The following NKAPL variants were observed in gnomAD, a reference collection of about 807,000 sequenced individuals.
The protein encoded by NKAPL is NFKB activating protein like, also known as NKAP-like protein.
Under a neutral mutation model 14.7 loss-of-function variants are expected in NKAPL, and 7 were observed. The observed-to-expected ratio is 0.48, with a 90% CI of 0.27 to 0.89. The LOEUF (loss-of-function observed/expected upper bound fraction) is 0.89. NKAPL is among the 40% of genes least tolerant of loss of function. The probability of loss-of-function intolerance (pLI) is 0.12; values close to 1 mark genes in which losing one functional copy is unlikely to be tolerated. For missense variants in NKAPL, 466 were observed against 494.1 expected (o/e 0.94, Z 0.54); for synonymous variants, 192 against 179.9 (o/e 1.07, Z -0.54).
Position 28,259,610 on chromosome 6 carries a change from A to T in NKAPL, c.239A>T (p.Asn80Ile), listed in dbSNP as rs139633391. The T allele has an allele frequency of 3.4e-4, 548 of 1,614,234 alleles. 4 individuals carry two copies. In the African/African-American group the frequency reaches 6.3e-3, roughly 19 times the overall value. Reference sequence around the variant, plus strand: ...CGAGGGCGGCTCCCAAGATTCCGCAACTACGCCTTCGCGTCCTCCTGGTCG... The same window carrying T: ...CGAGGGCGGCTCCCAAGATTCCGCATCTACGCCTTCGCGTCCTCCTGGTCG... ...GSRGRLPRFR[N>I]YAFASSWSTS... is the part of the protein sequence containing the mutation. The change falls in exon 1 of 1, where the codon AAC (asparagine) becomes ATC (isoleucine). Residue 80 changes from asparagine to isoleucine, a missense_variant. Transcript: ENST00000343684.
chr6:28,259,704 C>A lies in NKAPL; in HGVS notation c.333C>A (p.Tyr111Ter), dbSNP rs1183424759. ...YAEERQSAED[Y>*]EKEESHRQRR... ...AAGAACGGCAGTCAGCGGAAGACTA[C>A]GAGAAGGAAGAGAGCCATCGGCAGA... Residue 111 changes from tyrosine (Y) to a stop codon, truncating the protein, a stop_gained, in exon 1 of 1, where the codon TAC becomes TAA. Coordinates refer to ENST00000343684, the MANE Select transcript of NKAPL (RefSeq NM_001007531.3). LOFTEE classifies it low-confidence loss of function (END_TRUNC). 1.2e-6 allele frequency: 2 copies of A among 1,614,148 alleles called. No homozygotes were observed. Among genetic ancestry groups the A allele is most frequent in the East Asian group, 2.2e-5 (1 of 44,870 alleles).
At position 28,260,373 on chromosome 6, in the gene NKAPL, T is replaced by A; in HGVS notation, c.1002T>A (p.Phe334Leu). 1 of 1,614,148 alleles carries A rather than the reference T, an allele frequency of 6.2e-7. No homozygotes were observed. The highest frequency in any genetic ancestry group is 1.1e-5 in the South Asian group (1 of 91,078). ...TGACAAGTGAAGAGATCGGTTCTTTTGAATGCTCAGGTTATGTCATGAGTG... is the reference window on the plus strand; with the variant it reads ...TGACAAGTGAAGAGATCGGTTCTTTAGAATGCTCAGGTTATGTCATGAGTG... ...IGLTSEEIGS[F>L]ECSGYVMSGS... The change falls in exon 1 of 1, where the codon TTT becomes TTA. Residue 334 changes from phenylalanine (F) to leucine (L), a missense_variant. Transcript: ENST00000343684.
chr6:28,260,474 C>A lies in NKAPL; in HGVS notation c.1103C>A (p.Ala368Asp). Residue 368 changes from alanine to aspartate, a missense_variant, in exon 1 of 1, where the codon GCT becomes GAT. By Grantham distance (126) the Ala-to-Asp change is moderately radical. Coordinates refer to ENST00000343684, the MANE Select transcript of NKAPL (RefSeq NM_001007531.3). ...NQIYSADEKR[A>D]LASFNQEERR... ...ATCTACAGTGCTGATGAGAAGAGAG[C>A]TCTTGCATCCTTTAACCAAGAAGAG... 1 of 1,614,098 alleles carries A rather than the reference C, an allele frequency of 6.2e-7. No homozygotes were observed. Among genetic ancestry groups the A allele is most frequent in the Non-Finnish European group, 8.5e-7 (1 of 1,180,010 alleles).
In NKAPL at chr6:28,260,711, A is replaced by G; in HGVS notation, c.*131A>G. 6.4e-6 allele frequency: 7 copies of G among 1,100,550 alleles called. No homozygotes were observed. The highest frequency in any genetic ancestry group is 8.8e-6 in the Non-Finnish European group (7 of 791,116). The allele number at this position is 1,100,550 out of a possible 1,614,324, so 68.2% of individuals were successfully genotyped here. A position where few individuals can be genotyped will look rare whatever the true frequency, so the allele number is the denominator to read the frequency against. ...CTCAGGAAAAAGCTTCTTTTGAGAT[A>G]TCTTTAGCAGCTTATTTTTTGTTAT... On this transcript the variant is annotated 3_prime_UTR_variant, in exon 1 of 1. Transcript: ENST00000343684.
In NKAPL at chr6:28,260,866, G is replaced by A. The variant is rs1259941871; in HGVS notation, c.*286G>A. 1 of 327,314 alleles carries A rather than the reference G, an allele frequency of 3.1e-6. No individual in the cohort carries two copies. The highest frequency in any genetic ancestry group is 5.9e-6 in the Non-Finnish European group (1 of 168,670). The allele number at this position is 327,314 out of a possible 1,614,324, so 20.3% of individuals were successfully genotyped here. On this transcript the variant is annotated 3_prime_UTR_variant, in exon 1 of 1. Coordinates refer to ENST00000343684, the MANE Select transcript of NKAPL (RefSeq NM_001007531.3). ...TTCCCCCAAAAATATATATTTTGGT[G>A]TCTTATATACAGAATATACATTCTG...
In NKAPL at chr6:28,260,682, G is replaced by T; in HGVS notation, c.*102G>T. 5 of 1,422,216 alleles carry T rather than the reference G, an allele frequency of 3.5e-6. No individual in the cohort carries two copies. The highest frequency in any genetic ancestry group is 4.7e-6 in the Non-Finnish European group (5 of 1,071,262). The allele number at this position is 1,422,216 out of a possible 1,614,324, so 88.1% of individuals were successfully genotyped here. ...GCTACTGTACTTACCATATTAGTAA[G>T]TCCCTCAGGAAAAAGCTTCTTTTGA... On this transcript the variant is annotated 3_prime_UTR_variant, in exon 1 of 1. Coordinates refer to ENST00000343684, the MANE Select transcript of NKAPL (RefSeq NM_001007531.3).
rs1265193978 is a variant in NKAPL, at chr6:28,260,662, T to C, written c.*82T>C. Reference sequence around the variant, plus strand: ...GTGTTAAAAGGCTTTACAGTGCTACTGTACTTACCATATTAGTAAGTCCCT... The same window carrying C: ...GTGTTAAAAGGCTTTACAGTGCTACCGTACTTACCATATTAGTAAGTCCCT... On this transcript the variant is annotated 3_prime_UTR_variant, in exon 1 of 1. Transcript: ENST00000343684. The C allele has an allele frequency of 6.7e-7, 1 of 1,497,626 alleles. No individual in the cohort carries two copies. The highest frequency in any genetic ancestry group is 8.9e-7 in the Non-Finnish European group (1 of 1,123,056). The allele number at this position is 1,497,626 out of a possible 1,614,324, so 92.8% of individuals were successfully genotyped here. A position where few individuals can be genotyped will look rare whatever the true frequency, so the allele number is the denominator to read the frequency against.
chr6:28,260,309 A>G lies in NKAPL; in HGVS notation c.938A>G (p.Lys313Arg), dbSNP rs756256064. ...GGTGCAGCTATGGCTGAGTATGTAA[A>G]AGCTGGAAAGCGAATCCCACGAAGA... ...GEGAAMAEYV[K>R]AGKRIPRRGE... The change falls in exon 1 of 1, where the codon AAA becomes AGA. Residue 313 changes from lysine (K) to arginine (R), a missense_variant. Transcript: ENST00000343684. 5.0e-6 allele frequency: 8 copies of G among 1,614,194 alleles called. No individual in the cohort carries two copies. The highest frequency in any genetic ancestry group is 3.3e-5 in the South Asian group (3 of 91,088).
chr6:28,259,747 G>A lies in NKAPL; in HGVS notation c.376G>A (p.Glu126Lys). The A allele has an allele frequency of 6.2e-7, 1 of 1,614,236 alleles. No individual in the cohort carries two copies. The highest frequency in any genetic ancestry group is 1.1e-5 in the South Asian group (1 of 91,086). ...TCGGCAGAGGAGGCTGAAGGAGAGA[G>A]AGAGGATTGGGGAATTGGGAGCGCC... ...SHRQRRLKER[E>K]RIGELGAPEV... The change falls in exon 1 of 1, where the codon GAG (glutamate) becomes AAG (lysine). Residue 126 changes from glutamate to lysine, a missense_variant. By Grantham distance (56) the Glu-to-Lys change is moderately conservative. Transcript: ENST00000343684.
chr6:28,260,090 A>G lies in NKAPL; in HGVS notation c.719A>G (p.Lys240Arg), dbSNP rs1761310066. Reference protein sequence around the residue: ...KKKKHKTKKKKNKKTKKESSD... With the variant: ...KKKKHKTKKKRNKKTKKESSD... ...AAGAAACACAAAACAAAGAAAAAGAAGAATAAGAAAACCAAAAAAGAATCC... is the reference window on the plus strand; with the variant it reads ...AAGAAACACAAAACAAAGAAAAAGAGGAATAAGAAAACCAAAAAAGAATCC... The change falls in exon 1 of 1, where the codon AAG becomes AGG. Residue 240 changes from lysine to arginine, a missense_variant. Coordinates refer to ENST00000343684, the MANE Select transcript of NKAPL (RefSeq NM_001007531.3). 2 of 1,579,850 alleles carry G rather than the reference A, an allele frequency of 1.3e-6. No homozygotes were observed. Among genetic ancestry groups the G allele is most frequent in the East Asian group, 2.2e-5 (1 of 44,802 alleles).
rs1473256908 is a variant in NKAPL at position 28,259,607 on chromosome 6, G to A, written c.236G>A (p.Arg79His). Residue 79 changes from arginine to histidine, a missense_variant, in exon 1 of 1, where the codon CGC (arginine) becomes CAC (histidine). Transcript: ENST00000343684. ...SGSRGRLPRF[R>H]NYAFASSWST... is the part of the protein sequence containing the mutation. The stretch of plus-strand genomic sequence containing the variant: ...TCGCGAGGGCGGCTCCCAAGATTCC[G>A]CAACTACGCCTTCGCGTCCTCCTGG... The A allele has an allele frequency of 6.2e-7, 1 of 1,614,182 alleles. No individual in the cohort carries two copies. Among genetic ancestry groups the A allele is most frequent in the Non-Finnish European group, 8.5e-7 (1 of 1,179,998 alleles).
In NKAPL at chr6:28,260,384, G is replaced by C. The variant is rs775181617; in HGVS notation, c.1013G>C (p.Gly338Ala). 6.2e-6 allele frequency: 10 copies of C among 1,614,164 alleles called. No individual in the cohort carries two copies. The South Asian group carries it at 8.8e-5, about 14-fold the overall frequency. ...SEEIGSFECS[G>A]YVMSGSRHRR... is the part of the protein sequence containing the mutation. Reference sequence around the variant, plus strand: ...GAGATCGGTTCTTTTGAATGCTCAGGTTATGTCATGAGTGGTAGCAGGCAT... The same window carrying C: ...GAGATCGGTTCTTTTGAATGCTCAGCTTATGTCATGAGTGGTAGCAGGCAT... The change falls in exon 1 of 1, where the codon GGT (glycine) becomes GCT (alanine). Residue 338 changes from glycine to alanine, a missense_variant. Transcript: ENST00000343684.
Position 28,259,322 on chromosome 6 carries a change from C to G in NKAPL, c.-50C>G. On this transcript the variant is annotated 5_prime_UTR_variant, in exon 1 of 1. Transcript: ENST00000343684. ...AGTGCGCCTGCGTGGCCGCGAATCA[C>G]CAGCCAGCCTCTGGGTCTGTAGCAA... The G allele has an allele frequency of 6.8e-7, 1 of 1,468,982 alleles. No individual in the cohort carries two copies. Among genetic ancestry groups the G allele is most frequent in the Non-Finnish European group, 9.1e-7 (1 of 1,098,446 alleles). The allele number at this position is 1,468,982 out of a possible 1,614,324, so 91.0% of individuals were successfully genotyped here.
rs1465993947 is a variant in NKAPL at position 28,259,308 on chromosome 6, G to A, written c.-64G>A. ...GGGAGGCCGATTCTAGTGCGCCTGC[G>A]TGGCCGCGAATCACCAGCCAGCCTC... On this transcript the variant is annotated 5_prime_UTR_variant, in exon 1 of 1. The change creates a new upstream start codon in the 5' untranslated region. Coordinates refer to ENST00000343684, the MANE Select transcript of NKAPL (RefSeq NM_001007531.3). 7.1e-7 allele frequency: 1 copy of A among 1,413,284 alleles called. No individual in the cohort carries two copies. Among genetic ancestry groups the A allele is most frequent in the African/African-American group, 1.4e-5 (1 of 69,568 alleles). 87.5% of individuals were successfully genotyped at this position (1,413,284 alleles called of 1,614,324 possible).
At position 28,259,299 on chromosome 6, in the gene NKAPL, T is replaced by C; in HGVS notation, c.-73T>C. The stretch of plus-strand genomic sequence containing the variant: ...GCCGTGCGTGGGAGGCCGATTCTAG[T>C]GCGCCTGCGTGGCCGCGAATCACCA... On this transcript the variant is annotated 5_prime_UTR_variant, in exon 1 of 1. Coordinates refer to ENST00000343684, the MANE Select transcript of NKAPL (RefSeq NM_001007531.3). 2 of 1,346,332 alleles carry C rather than the reference T, an allele frequency of 1.5e-6. No homozygotes were observed. The highest frequency in any genetic ancestry group is 2.0e-6 in the Non-Finnish European group (2 of 991,156). The allele number at this position is 1,346,332 out of a possible 1,614,324, so 83.4% of individuals were successfully genotyped here.
In NKAPL at chr6:28,260,328, A is replaced by T. The variant is rs1371424344; in HGVS notation, c.957A>T (p.Pro319=). Residue 319 remains proline, a synonymous_variant, in exon 1 of 1, where the codon CCA becomes CCT. Coordinates refer to ENST00000343684, the MANE Select transcript of NKAPL (RefSeq NM_001007531.3). ...AEYVKAGKRI[P]RRGEIGLTSE... ...ATGTAAAAGCTGGAAAGCGAATCCC[A>T]CGAAGAGGTGAAATTGGGTTGACAA... The T allele has an allele frequency of 6.2e-7, 1 of 1,614,090 alleles. No homozygotes were observed. Among genetic ancestry groups the T allele is most frequent in the African/African-American group, 1.3e-5 (1 of 74,922 alleles).
rs764113675 is a variant in NKAPL, at chr6:28,260,849, A to G, written c.*269A>G. The G allele has an allele frequency of 1.1e-5, 4 of 355,956 alleles. No homozygotes were observed. The highest frequency in any genetic ancestry group is 8.9e-5 in the Admixed American group (2 of 22,428). The allele number at this position is 355,956 out of a possible 1,614,324, so 22.0% of individuals were successfully genotyped here. ...TTTAGCCCCTGACACCTTTCCCCCA[A>G]AAATATATATTTTGGTGTCTTATAT... is the stretch of plus-strand genomic sequence containing the variant. On this transcript the variant is annotated 3_prime_UTR_variant, in exon 1 of 1. Coordinates refer to ENST00000343684, the MANE Select transcript of NKAPL (RefSeq NM_001007531.3).
rs1310041432 is a variant in NKAPL at position 28,260,235 on chromosome 6, T to C, written c.864T>C (p.Ser288=). The change falls in exon 1 of 1, where the codon TCT becomes TCC. Residue 288 remains serine (S), a synonymous_variant. Coordinates refer to ENST00000343684, the MANE Select transcript of NKAPL (RefSeq NM_001007531.3). ...CAGAAGCACCTATAATACATACCTC[T>C]CAAGATGAAAAACCTTTGAAGTATG... The part of the protein sequence containing the change: ...IGPEAPIIHT[S]QDEKPLKYGH... 6.2e-7 allele frequency: 1 copy of C among 1,614,014 alleles called. No individual in the cohort carries two copies. Among genetic ancestry groups the C allele is most frequent in the African/African-American group, 1.3e-5 (1 of 74,914 alleles).
In NKAPL at chr6:28,259,936, A is replaced by G; in HGVS notation, c.565A>G (p.Arg189Gly). ...KTSRSRNKKK[R>G]KNKSSKRKHR... is the part of the protein sequence containing the mutation. The stretch of plus-strand genomic sequence containing the variant: ...CAGTCGTTCAAGAAACAAGAAAAAA[A>G]GAAAGAATAAGTCGTCTAAAAGAAA... The change falls in exon 1 of 1, where the codon AGA becomes GGA. Residue 189 changes from arginine to glycine, a missense_variant. Transcript: ENST00000343684. 6.2e-7 allele frequency: 1 copy of G among 1,609,800 alleles called. No homozygotes were observed. Among genetic ancestry groups the G allele is most frequent in the Middle Eastern group, 1.7e-4 (1 of 6,024 alleles).
Sources: gnomAD v4.1 joint callset for allele counts on GRCh38, gnomAD v4.1.1 for gene constraint, MANE v1.5 for transcripts, NCBI Gene and HGNC (gene_info 2026-07-23, HGNC 2026-07-21) for gene names.